The following CHCHD3 variants were observed in gnomAD, a reference collection of about 807,000 sequenced individuals.
CHCHD3 encodes MICOS complex subunit MIC19.
CHCHD3 carries 20 observed loss-of-function variants against 38.2 expected under a neutral mutation model. The ratio of observed to expected loss-of-function variants is 0.52; its 90% CI spans 0.37 to 0.76. The LOEUF is 0.76. Ranked by LOEUF, CHCHD3 falls within the 30% of genes least tolerant of loss-of-function variation. The probability of loss-of-function intolerance (pLI) is 0.00; values close to 1 mark genes in which losing one functional copy is unlikely to be tolerated. For missense variants in CHCHD3, 245 were observed against 279.2 expected, an observed-to-expected ratio of 0.88 and a Z score of 0.87; for synonymous variants, 82 against 100.0, an observed-to-expected ratio of 0.82 and a Z score of 1.07.
intron 6 of CHCHD3, among the ~76,000 whole-genome samples, chr7:132,816,953 C>A (rs868772517): frequency 6.6e-6 from 1 of 152,012 alleles, no homozygotes; most frequent in Non-Finnish European, 1.5e-5. Flanking sequence ...TGAAAAAAAA[C>A]CCTGGAATAT....
At chr7:132,861,180 C>T (rs1024409911) in intron 5 of CHCHD3, among the ~76,000 whole-genome samples, 7 of 152,114 alleles carry the variant, frequency 4.6e-5, no homozygotes, top group South Asian at 4.1e-4. Flanking sequence ...AAAAATGTGT[C>T]GTAGATTGTG....
chr7:133,006,709 TA>T (rs1452698221), intron 3 of CHCHD3, among the ~76,000 whole-genome samples: 3 of 152,106 alleles, frequency 2.0e-5, no homozygotes, highest in African/African-American at 4.8e-5. Flanking sequence ...TTTGACCTAG[TA>T]ATTCCATTTC....
chr7:132,992,159 C>T (rs1244151633), intron 3 of CHCHD3, among the ~76,000 whole-genome samples: 1 of 152,174 alleles, frequency 6.6e-6, no homozygotes. Context: ...TGCTTCCTAT[C>T]GCGTCACTCG....
chr7:132,906,630 T>C (rs555001814), intron 4 of CHCHD3, among the ~76,000 whole-genome samples: 2 of 152,124 alleles, frequency 1.3e-5, no homozygotes, highest in Non-Finnish European at 2.9e-5. Context: ...CCAATCTTTT[T>C]CCTTTTTTCT....
intron 4 of CHCHD3, among the ~76,000 whole-genome samples, chr7:132,965,629 C>T (rs1811444195): frequency 3.9e-5 from 6 of 152,098 alleles, no homozygotes; most frequent in Admixed American, 3.9e-4. Context: ...AATATGTAAC[C>T]TATGGATAGG....
intron 3 of CHCHD3, among the ~76,000 whole-genome samples, chr7:133,012,919 C>T (rs2117415740): frequency 6.6e-6 from 1 of 151,578 alleles, no homozygotes; most frequent in African/African-American, 2.4e-5. Flanking sequence ...GGAGTGGTGT[C>T]TAACGCTTGT....
intron 3 of CHCHD3, among the ~76,000 whole-genome samples, chr7:132,985,266 G>T (rs1218197192): frequency 2.3e-4 from 16 of 68,234 alleles, no homozygotes; most frequent in African/African-American, 3.4e-4. Flanking sequence ...TCAGCCCCCC[G>T]CCCGGCCAGC....
chr7:132,827,049 T>C (rs914132043), intron 6 of CHCHD3, among the ~76,000 whole-genome samples: 2 of 152,194 alleles, frequency 1.3e-5, no homozygotes, highest in African/African-American at 2.4e-5. Context: ...AGATAAGGGA[T>C]TCAAATTCTA....
At chr7:132,838,315 A>C (rs1167112464) in intron 6 of CHCHD3, 84 bp downstream of exon 6, 2 of 932,764 alleles carry the variant, frequency 2.1e-6, no homozygotes, top group Admixed American at 2.0e-5. Flanking sequence ...TATATAACAA[A>C]CTATGATCTG....
chr7:133,060,277 G>A (rs1285524860), intron 2 of CHCHD3, among the ~76,000 whole-genome samples: 1 of 152,198 alleles, frequency 6.6e-6, no homozygotes, highest in South Asian at 2.1e-4. Flanking sequence ...CAAAGCAAGG[G>A]GGAGTGCTGA....
rs141948985 is a variant in CHCHD3, at chr7:132,809,942, T to C, written c.525-13365A>G. On this transcript the variant is annotated intron_variant, in intron 6 of 7. Transcript: ENST00000262570. Reference sequence around the variant, plus strand: ...TCAAACAACATACGAATTTTGTACATAGTGCCTTGCAGTCTTGAAATCAGA... The same window carrying C: ...TCAAACAACATACGAATTTTGTACACAGTGCCTTGCAGTCTTGAAATCAGA... Among the ~76,000 whole-genome samples the C allele has an allele frequency of 1.5e-4, 23 of 152,322 alleles. No homozygotes were observed. In the East Asian group the frequency reaches 4.2e-3, roughly 28 times the overall value.
At chr7:132,884,255 G>A (rs187940258) in intron 5 of CHCHD3, among the ~76,000 whole-genome samples, 1 of 152,124 alleles carries the variant, frequency 6.6e-6, no homozygotes, top group Non-Finnish European at 1.5e-5. Flanking sequence ...CTTCCCAAAT[G>A]TCATCTCAAC....
chr7:133,014,751 C>T (rs1162598415), intron 3 of CHCHD3, among the ~76,000 whole-genome samples: 1 of 151,962 alleles, frequency 6.6e-6, no homozygotes, highest in Non-Finnish European at 1.5e-5. Flanking sequence ...TAAAGTAATT[C>T]CTGCACTTCT....
chr7:132,899,313 C>G (rs1197564321), intron 4 of CHCHD3, among the ~76,000 whole-genome samples: 1 of 152,158 alleles, frequency 6.6e-6, no homozygotes, highest in South Asian at 2.1e-4. Flanking sequence ...GAAGATCATA[C>G]GCAGCTCTGG....
chr7:132,816,856 C>T (rs1325227734), intron 6 of CHCHD3, among the ~76,000 whole-genome samples: 2 of 152,158 alleles, frequency 1.3e-5, no homozygotes, highest in African/African-American at 4.8e-5. Context: ...GATTGCCTCC[C>T]ACATTTGCAC....
At chr7:132,889,111 C>T (rs1425572539) in intron 4 of CHCHD3, among the ~76,000 whole-genome samples, 1 of 151,938 alleles carries the variant, frequency 6.6e-6, no homozygotes, top group Non-Finnish European at 1.5e-5. Flanking sequence ...GCACTGAGGG[C>T]ATCTAAAAGA....
chr7:132,823,549 A>G (rs1188526195), intron 6 of CHCHD3, among the ~76,000 whole-genome samples: 1 of 152,216 alleles, frequency 6.6e-6, no homozygotes, highest in African/African-American at 2.4e-5. Flanking sequence ...TCGCTACAGT[A>G]AGTCTCCAGG....
chr7:132,963,322 ATTTTTTTTTTTTTT>A (rs1005146883), intron 4 of CHCHD3, among the ~76,000 whole-genome samples: 1 of 87,572 alleles, frequency 1.1e-5, no homozygotes, highest in Admixed American at 1.4e-4. Flanking sequence ...TAAAATTGTA[ATTTTTTTTTTTTTT>A]TTTTTTTTTT....
chr7:132,990,951 T>C lies in CHCHD3; in HGVS notation c.252-15665A>G, dbSNP rs202224961. ...TTCTGCTCCCCTACACAGACACACA[T>C]ACACACACACACACACACACACACA... On this transcript the variant is annotated intron_variant, in intron 3 of 7. Transcript: ENST00000262570. 6.8e-3 allele frequency among the ~76,000 whole-genome samples: 981 copies of C among 143,774 alleles called. 10 individuals carry two copies. The highest frequency in any genetic ancestry group is 0.024 in the African/African-American group (888 of 37,712). 94.3% of individuals were successfully genotyped at this position (143,774 alleles called of 152,430 possible). A position where few individuals can be genotyped will look rare whatever the true frequency, so the allele number is the denominator to read the frequency against.
Sources: gnomAD v4.1 joint callset for allele counts (sites outside exome capture counted in the v4.1 genomes callset) on GRCh38, gnomAD v4.1.1 for gene constraint, MANE v1.5 for transcripts, NCBI Gene and HGNC (gene_info 2026-07-23, HGNC 2026-07-21) for gene names.